The following NLRP11 variants were observed in gnomAD, a reference collection of about 807,000 sequenced individuals.
NLRP11 encodes NACHT, LRR and PYD domains-containing protein 11.
NLRP11 carries 53 observed loss-of-function variants against 79.3 expected under a neutral mutation model. The ratio of observed to expected loss-of-function variants is 0.67; its 90% CI spans 0.54 to 0.84. The LOEUF (loss-of-function observed/expected upper bound fraction) is 0.84. Ranked by LOEUF, NLRP11 falls within the 40% of genes least tolerant of loss-of-function variation. The pLI, the probability that NLRP11 is intolerant of heterozygous loss-of-function variation, is 0.00. For missense variants in NLRP11, 1,264 were observed against 1,255.0 expected, an observed-to-expected ratio of 1.01 and a Z score of -0.11; for synonymous variants, 518 against 462.6, an observed-to-expected ratio of 1.12 and a Z score of -1.54.
rs1978558155 is a variant in NLRP11, at chr19:55,794,028, A to C, written c.2343-1557T>G. On this transcript the variant is annotated intron_variant, in intron 6 of 9. Transcript: ENST00000589093. ...TTTCTTTCACGTTCTTAGGCTTAGAAATTCCTTGCCTATTTAAAATAAGTT... is the reference window on the plus strand; with the variant it reads ...TTTCTTTCACGTTCTTAGGCTTAGACATTCCTTGCCTATTTAAAATAAGTT... Among the ~76,000 whole-genome samples, 3 of 152,200 alleles carry C rather than the reference A, an allele frequency of 2.0e-5. No individual in the cohort carries two copies. The South Asian group carries it at 6.2e-4, about 31-fold the overall frequency.
chr19:55,822,306 C>T (rs1981823604), intron 1 of NLRP11, among the ~76,000 whole-genome samples: 1 of 152,010 alleles, frequency 6.6e-6, no homozygotes, highest in Non-Finnish European at 1.5e-5. Flanking sequence ...ATTGGAATTT[C>T]TCTTCTCTCT....
chr19:55,835,061 C>G (rs962585528), upstream of NLRP11, among the ~76,000 whole-genome samples: 20 of 152,148 alleles, frequency 1.3e-4, no homozygotes, highest in African/African-American at 4.6e-4. Context: ...TGTCTGCTTC[C>G]CAATCTAGGT....
intron 2 of NLRP11, among the ~76,000 whole-genome samples, chr19:55,816,570 G>T (rs952071192): frequency 6.6e-6 from 1 of 152,064 alleles, no homozygotes; most frequent in Non-Finnish European, 1.5e-5. Flanking sequence ...CAATGATGAC[G>T]ACCTGCATAG....
chr19:55,810,159 G>A, exon 3 of NLRP11: 1 of 1,613,988 alleles, frequency 6.2e-7, no homozygotes, highest in Non-Finnish European at 8.5e-7. Flanking sequence ...TCTCCCATCA[G>A]GAACACATTG....
intron 5 of NLRP11, chr19:55,798,450 G>A (rs994417204): frequency 4.9e-5 from 20 of 410,644 alleles, no homozygotes; most frequent in Non-Finnish European, 5.9e-5. Context: ...ACAGATGGGA[G>A]CTAAATGATG....
rs115157509 is a variant in NLRP11, at chr19:55,810,865, G to A, written c.272-527C>T. ...CTCATACAGTGGAGTCGACAGATCT[G>A]TTTTAGCTTTGTTCTTTATCCTTCA... On this transcript the variant is annotated intron_variant, in intron 2 of 9. Transcript: ENST00000589093. 8.6e-3 allele frequency among the ~76,000 whole-genome samples: 1,315 copies of A among 152,312 alleles called. 27 individuals are homozygous for A. The highest frequency in any genetic ancestry group is 0.029 in the African/African-American group (1,212 of 41,578).
chr19:55,820,924 A>G (rs1981633995), intron 1 of NLRP11, among the ~76,000 whole-genome samples: 1 of 152,160 alleles, frequency 6.6e-6, no homozygotes, highest in Non-Finnish European at 1.5e-5. Flanking sequence ...TGCCATCTTT[A>G]GGATCTGCCT....
exon 8 of NLRP11, chr19:55,789,305 T>A (rs753941347): frequency 6.2e-7 from 1 of 1,614,238 alleles, no homozygotes; most frequent in Admixed American, 1.7e-5. Context: ...TCTATTTTGT[T>A]GCTCCCAATC....
intron 2 of NLRP11, 121 bp downstream of exon 2, chr19:55,817,783 G>T: frequency 1.3e-6 from 1 of 751,176 alleles, no homozygotes; most frequent in Non-Finnish European, 2.1e-6. Flanking sequence ...ACTTACTCAT[G>T]TACTCAAATA....
At chr19:55,796,093 G>C in exon 6 of NLRP11, 3 of 1,612,608 alleles carry the variant, frequency 1.9e-6, no homozygotes, top group Non-Finnish European at 2.5e-6. Flanking sequence ...AGTGATATAA[G>C]AGTGCAGTTG....
upstream of NLRP11, among the ~76,000 whole-genome samples, chr19:55,835,377 C>A: frequency 6.6e-6 from 1 of 152,376 alleles, no homozygotes; most frequent in Non-Finnish European, 1.5e-5. Flanking sequence ...GTTCTGCCTA[C>A]GCAGAAAGAC....
At chr19:55,813,294 C>T (rs1344307274) in intron 2 of NLRP11, among the ~76,000 whole-genome samples, 1 of 152,164 alleles carries the variant, frequency 6.6e-6, no homozygotes, top group African/African-American at 2.4e-5. Flanking sequence ...CACCACTGCA[C>T]TCCAGCCTGG....
chr19:55,822,009 A>G (rs1981789836), intron 1 of NLRP11, among the ~76,000 whole-genome samples: 1 of 152,266 alleles, frequency 6.6e-6, no homozygotes, highest in South Asian at 2.1e-4. Flanking sequence ...CTGTAATCCC[A>G]GCACTTTGGG....
intron 7 of NLRP11, among the ~76,000 whole-genome samples, chr19:55,790,920 A>T (rs565382844): frequency 6.6e-6 from 1 of 152,356 alleles, no homozygotes; most frequent in Non-Finnish European, 1.5e-5. Flanking sequence ...GGAGGTCCCT[A>T]TCCAGCTTTG....
intron 1 of NLRP11, among the ~76,000 whole-genome samples, chr19:55,821,247 A>C (rs796128630): frequency 0.015 from 1,804 of 119,448 alleles, 40 homozygotes; most frequent in African/African-American, 0.053. Flanking sequence ...ACACACACAC[A>C]CACCCCAAGC....
chr19:55,817,619 A>G (rs968611629), intron 2 of NLRP11, among the ~76,000 whole-genome samples: 5 of 152,102 alleles, frequency 3.3e-5, no homozygotes, highest in African/African-American at 1.2e-4. Flanking sequence ...GAGCTAAGCT[A>G]TGAGGATGCA....
At chr19:55,818,802 C>G (rs929705898) in intron 1 of NLRP11, among the ~76,000 whole-genome samples, 1 of 152,090 alleles carries the variant, frequency 6.6e-6, no homozygotes, top group Non-Finnish European at 1.5e-5. Context: ...TTATGATGTA[C>G]TCTGTTCTGT....
rs184847279 is a variant in NLRP11, at chr19:55,807,874, C to G, written c.1982G>C (p.Ser661Thr). 288 of 1,612,280 alleles carry G rather than the reference C, an allele frequency of 1.8e-4. 2 individuals carry two copies. In the Admixed American group the frequency reaches 4.7e-3, roughly 26 times the overall value. ...TTACTTGAGTGTGCGAAGTTTACAGCTAGAATGCTCCAGGGCTTTAGACAG... is the reference window on the plus strand; with the variant it reads ...TTACTTGAGTGTGCGAAGTTTACAGGTAGAATGCTCCAGGGCTTTAGACAG... Residue 661 changes from serine (S) to threonine (T), a missense_variant, in exon 4 of 10, where the codon AGC (serine) becomes ACC (threonine). By Grantham distance (58) the Ser-to-Thr change is moderately conservative. Transcript: ENST00000589093.
chr19:55,808,822 C>T, exon 3 of NLRP11: 1 of 1,613,080 alleles, frequency 6.2e-7, no homozygotes, highest in Non-Finnish European at 8.5e-7. Flanking sequence ...GCTGAACACT[C>T]AACTTAAGTG....
Sources: gnomAD v4.1 joint callset for allele counts (sites outside exome capture counted in the v4.1 genomes callset) on GRCh38, gnomAD v4.1.1 for gene constraint, MANE v1.5 for transcripts, NCBI Gene and HGNC (gene_info 2026-07-23, HGNC 2026-07-21) for gene names.